Variants in PLD5 observed in about 807,000 individuals in gnomAD.
PLD5 encodes the protein phospholipase D family member 5, also known as inactive phospholipase D5.
A neutral mutation model predicts 61.1 loss-of-function variants in PLD5; 36 were observed. That is an observed-to-expected ratio of 0.59 (90% CI 0.45 to 0.78). The LOEUF (loss-of-function observed/expected upper bound fraction) is 0.78. Among genes scored for constraint, PLD5 ranks in the 30% least tolerant of loss-of-function variants. The pLI is 0.00. For missense variants in PLD5, 515 were observed against 644.4 expected (o/e 0.80, Z 2.17); for synonymous variants, 243 against 242.8 (o/e 1.00, Z -0.01).
intron 1 of PLD5, among the ~76,000 whole-genome samples, chr1:242,396,847 T>C (rs1451905995): frequency 6.6e-6 from 1 of 151,930 alleles, no homozygotes; most frequent in Non-Finnish European, 1.5e-5. Flanking sequence ...GCCCAGCTAA[T>C]TTTTGTATTT....
intron 1 of PLD5, among the ~76,000 whole-genome samples, chr1:242,472,096 A>G (rs1032428497): frequency 6.6e-6 from 1 of 152,200 alleles, no homozygotes; most frequent in Non-Finnish European, 1.5e-5. Context: ...AAAACTGTGG[A>G]AAAAGAAAGC....
intron 6 of PLD5, 117 bp downstream of exon 6, chr1:242,124,351 G>A: frequency 1.1e-6 from 1 of 938,362 alleles, no homozygotes; most frequent in East Asian, 2.5e-5. Context: ...CACGTCATGG[G>A]ATAGAACCAC....
At chr1:242,516,928 C>A (rs1158451565) in intron 1 of PLD5, among the ~76,000 whole-genome samples, 1 of 152,080 alleles carries the variant, frequency 6.6e-6, no homozygotes, top group Non-Finnish European at 1.5e-5. Flanking sequence ...GAAGTCTTAC[C>A]AGCTTTTATT....
At chr1:242,205,233 G>C (rs1315304481) in intron 5 of PLD5, among the ~76,000 whole-genome samples, 1 of 152,114 alleles carries the variant, frequency 6.6e-6, no homozygotes, top group Admixed American at 6.5e-5. Context: ...CCTCATGTTA[G>C]GAAACACAAA....
rs138275416 is a variant in PLD5 at position 242,094,711 on chromosome 1, C to T, written c.1355-4601G>A. Among the ~76,000 whole-genome samples, 21 of 152,132 alleles carry T rather than the reference C, an allele frequency of 1.4e-4. No homozygotes were observed. In the East Asian group the frequency reaches 4.1e-3, roughly 29 times the overall value. Reference sequence around the variant, plus strand: ...GGAGAGAGCCAGGAATCAATATTGCCTAAAGATATGGATAGATCGGAGACA... The same window carrying T: ...GGAGAGAGCCAGGAATCAATATTGCTTAAAGATATGGATAGATCGGAGACA... On this transcript the variant is annotated intron_variant, in intron 9 of 9. Transcript: ENST00000536534.
chr1:242,421,545 C>G lies in PLD5; in HGVS notation c.190-73303G>C, dbSNP rs77398704. On this transcript the variant is annotated intron_variant, in intron 1 of 9. Transcript: ENST00000536534. ...CCCAAAGCAAATCATACGACCAAGC[C>G]TGACCAGGAGATACGGGATTTCATA... Among the ~76,000 whole-genome samples the G allele has an allele frequency of 2.8e-3, 422 of 152,250 alleles. 7 individuals are homozygous for G. The highest frequency in any genetic ancestry group is 9.6e-3 in the African/African-American group (398 of 41,544).
intron 1 of PLD5, among the ~76,000 whole-genome samples, chr1:242,382,042 T>G (rs10926713): frequency 0.13 from 18,903 of 151,156 alleles, 1,372 homozygotes; most frequent in Admixed American, 0.21. Flanking sequence ...ACGCATTGGC[T>G]GTTTGGGGTG....
chr1:242,128,442 C>T (rs1351414967), intron 5 of PLD5, among the ~76,000 whole-genome samples: 1 of 152,136 alleles, frequency 6.6e-6, no homozygotes, highest in Non-Finnish European at 1.5e-5. Context: ...AGGCAGTGGC[C>T]GTGGATCAAA....
intron 1 of PLD5, among the ~76,000 whole-genome samples, chr1:242,371,514 C>T (rs1661631467): frequency 6.6e-6 from 1 of 152,092 alleles, no homozygotes; most frequent in Non-Finnish European, 1.5e-5. Context: ...CTTTCTCCAT[C>T]CCTTATCCCC....
chr1:242,410,661 G>T (rs1027970886), intron 1 of PLD5, among the ~76,000 whole-genome samples: 1 of 152,034 alleles, frequency 6.6e-6, no homozygotes, highest in Non-Finnish European at 1.5e-5. Flanking sequence ...TGCCTGTGAT[G>T]CTGGAGGTAT....
At chr1:242,476,536 T>C (rs1667602558) in intron 1 of PLD5, among the ~76,000 whole-genome samples, 1 of 152,174 alleles carries the variant, frequency 6.6e-6, no homozygotes, top group African/African-American at 2.4e-5. Flanking sequence ...AGATACCTTC[T>C]AGTCCTGATA....
In PLD5 at chr1:242,256,758, C is replaced by A. The variant is rs1001025694; in HGVS notation, c.607+8579G>T. ...TGAACTAAGACTATCATCTATCTAT[C>A]TATCTATCTATCTATCTATCTATCT... On this transcript the variant is annotated intron_variant, in intron 4 of 9. Coordinates refer to ENST00000536534, the MANE Select transcript of PLD5 (RefSeq NM_001372062.1). The surrounding 1 kb of genome is among the most constrained non-coding windows in gnomAD (Gnocchi z 5.7). 3.9e-5 allele frequency among the ~76,000 whole-genome samples: 5 copies of A among 128,102 alleles called. No homozygotes were observed. Among genetic ancestry groups the A allele is most frequent in the Non-Finnish European group, 8.4e-5 (5 of 59,438 alleles). 84.0% of individuals were successfully genotyped at this position (128,102 alleles called of 152,430 possible). A position where few individuals can be genotyped will look rare whatever the true frequency, so the allele number is the denominator to read the frequency against.
At chr1:242,185,594 A>G (rs1331389612) in intron 5 of PLD5, among the ~76,000 whole-genome samples, 2 of 152,136 alleles carry the variant, frequency 1.3e-5, no homozygotes, top group Non-Finnish European at 2.9e-5. Flanking sequence ...TGGGGTAGAG[A>G]GATATTATAC....
intron 5 of PLD5, among the ~76,000 whole-genome samples, chr1:242,155,399 A>C (rs1407852504): frequency 6.6e-6 from 1 of 151,886 alleles, no homozygotes; most frequent in Non-Finnish European, 1.5e-5. Flanking sequence ...TAGCTTTTGA[A>C]TTTGTTTGCT....
intron 4 of PLD5, among the ~76,000 whole-genome samples, chr1:242,226,777 A>G (rs1670973592): frequency 6.6e-6 from 1 of 152,232 alleles, no homozygotes. Context: ...TTGAAATTTA[A>G]TAGAGAATGT....
chr1:242,498,556 G>A (rs1668450986), intron 1 of PLD5, among the ~76,000 whole-genome samples: 1 of 152,102 alleles, frequency 6.6e-6, no homozygotes, highest in Non-Finnish European at 1.5e-5. Flanking sequence ...TATTTCAACT[G>A]CTATGTTTAT....
chr1:242,220,199 G>T, intron 4 of PLD5, 84 bp from the exon 5 acceptor site: 1 of 1,525,946 alleles, frequency 6.6e-7, no homozygotes, highest in South Asian at 1.2e-5. Flanking sequence ...AAATATTCAT[G>T]GTTCACCATT....
At chr1:242,191,455 G>A (rs1668280547) in intron 5 of PLD5, among the ~76,000 whole-genome samples, 1 of 151,992 alleles carries the variant, frequency 6.6e-6, no homozygotes, top group African/African-American at 2.4e-5. Flanking sequence ...GTGTGGTGGT[G>A]CATGCCTGTA....
chr1:242,239,554 A>G (rs1671861236), intron 4 of PLD5, among the ~76,000 whole-genome samples: 1 of 152,178 alleles, frequency 6.6e-6, no homozygotes, highest in East Asian at 1.9e-4. Context: ...GATTAACATG[A>G]TTACACAAGA....
Sources: allele counts gnomAD v4.1 joint callset (sites outside exome capture counted in the v4.1 genomes callset), GRCh38; gene constraint gnomAD v4.1.1; non-coding constraint Gnocchi (gnomAD v3.1); transcripts MANE v1.5; gene names NCBI Gene and HGNC (gene_info 2026-07-23, HGNC 2026-07-21).